The following RMND1 variants were observed in gnomAD, a reference collection of about 807,000 sequenced individuals.
The protein encoded by RMND1 is required for meiotic nuclear division 1 homolog, also known as required for meiotic nuclear division protein 1 homolog.
A neutral mutation model predicts 54.0 loss-of-function variants in RMND1; 41 were observed. The ratio of observed to expected loss-of-function variants is 0.76; its 90% CI spans 0.59 to 0.98. The LOEUF (loss-of-function observed/expected upper bound fraction) is 0.98, where lower values mean the gene tolerates loss of function less well. Ranked by LOEUF, RMND1 falls within the 50% of genes least tolerant of loss-of-function variation. RMND1 has a pLI of 0.00. For missense variants in RMND1, 457 were observed against 532.0 expected (o/e 0.86, Z 1.39); for synonymous variants, 183 against 181.7 (o/e 1.01, Z -0.06).
intron 10 of RMND1, among the ~76,000 whole-genome samples, chr6:151,412,636 A>G (rs543655616): frequency 2.6e-5 from 4 of 152,298 alleles, no homozygotes; most frequent in African/African-American, 9.6e-5. Flanking sequence ...TAAAGAAAAG[A>G]GGCCTAATTG....
At chr6:151,435,376 C>T (rs1328927843) in intron 3 of RMND1, among the ~76,000 whole-genome samples, 2 of 151,976 alleles carry the variant, frequency 1.3e-5, no homozygotes, top group East Asian at 3.9e-4. Context: ...GAACTCCTGA[C>T]CTCAAATGAT....
intron 10 of RMND1, among the ~76,000 whole-genome samples, chr6:151,414,679 C>G (rs868444330): frequency 6.6e-6 from 1 of 151,808 alleles, no homozygotes; most frequent in East Asian, 1.9e-4. Flanking sequence ...GGCAGCAGAA[C>G]GAATGTAACA....
At chr6:151,449,242 G>A (rs1209685771) in intron 1 of RMND1, among the ~76,000 whole-genome samples, 8 of 151,792 alleles carry the variant, frequency 5.3e-5, no homozygotes, top group Non-Finnish European at 7.4e-5. Context: ...GGCGGCGGGT[G>A]CCTGTAATCC....
intron 4 of RMND1, among the ~76,000 whole-genome samples, chr6:151,432,307 GAAC>G (rs1780471349): frequency 6.6e-6 from 1 of 152,110 alleles, no homozygotes; most frequent in East Asian, 1.9e-4. Context: ...TCCTCACTCG[GAAC>G]AACAGGGATG....
chr6:151,412,453 G>A (rs756971101), intron 10 of RMND1, among the ~76,000 whole-genome samples: 3 of 152,032 alleles, frequency 2.0e-5, no homozygotes, highest in Admixed American at 6.6e-5. Context: ...CACTGTGCCT[G>A]GCCCTAACTT....
At chr6:151,451,073 G>A (rs1045116952) in intron 1 of RMND1, among the ~76,000 whole-genome samples, 2 of 151,994 alleles carry the variant, frequency 1.3e-5, no homozygotes, top group African/African-American at 2.4e-5. Flanking sequence ...GCGGAAGGCC[G>A]CAGGGTCCTC....
At chr6:151,425,451 T>TAC (rs375187928) in intron 6 of RMND1, among the ~76,000 whole-genome samples, 2,187 of 150,274 alleles carry the variant, frequency 0.015, 95 homozygotes, top group Admixed American at 0.099. Context: ...TGGATAAGCG[T>TAC]ACACACACAC....
At chr6:151,444,733 T>A (rs1780900850) in intron 2 of RMND1, 1 of 152,382 alleles carries the variant, frequency 6.6e-6, no homozygotes, top group Non-Finnish European at 1.5e-5. Context: ...ACCCTTAAGT[T>A]GTTACTGAAG....
At chr6:151,426,054 T>TGCCTCCGCCTCCGCCTCC (rs200326875) in intron 6 of RMND1, among the ~76,000 whole-genome samples, 1 of 151,518 alleles carries the variant, frequency 6.6e-6, no homozygotes, top group Non-Finnish European at 1.5e-5. Flanking sequence ...AGCAATTCTC[T>TGCCTCCGCCTCCGCCTCC]GCCTCCGCCT....
chr6:151,448,777 C>T (rs894021498), intron 1 of RMND1, among the ~76,000 whole-genome samples: 2 of 152,206 alleles, frequency 1.3e-5, no homozygotes, highest in Non-Finnish European at 2.9e-5. Flanking sequence ...TGTGGCTTCA[C>T]GGTTCACTTA....
At chr6:151,434,127 G>A (rs575126482) in intron 3 of RMND1, among the ~76,000 whole-genome samples, 97 of 152,266 alleles carry the variant, frequency 6.4e-4, no homozygotes, top group Non-Finnish European at 1.2e-3. Context: ...TTACAAGCAT[G>A]AGCCACGGGG....
chr6:151,449,122 A>G (rs1391651216), intron 1 of RMND1, among the ~76,000 whole-genome samples: 1 of 147,802 alleles, frequency 6.8e-6, no homozygotes, highest in East Asian at 2.1e-4. Context: ...TAACCCCAGC[A>G]TTTTGGGAGG....
intron 1 of RMND1, among the ~76,000 whole-genome samples, chr6:151,447,328 C>T (rs200610173): frequency 8.9e-6 from 1 of 112,196 alleles, no homozygotes; most frequent in South Asian, 3.3e-4. Context: ...GTTCATGAAA[C>T]AAATTTTTGG....
At chr6:151,416,308 A>G (rs1169071969) in intron 10 of RMND1, among the ~76,000 whole-genome samples, 1 of 151,918 alleles carries the variant, frequency 6.6e-6, no homozygotes, top group African/African-American at 2.4e-5. Flanking sequence ...ATGTGGTTGC[A>G]TGGATCTATA....
intron 4 of RMND1, among the ~76,000 whole-genome samples, chr6:151,431,931 TTC>T (rs1780458654): frequency 6.6e-6 from 1 of 152,092 alleles, no homozygotes; most frequent in Non-Finnish European, 1.5e-5. Context: ...TTATATTTCT[TTC>T]TTTCTTTTTT....
intron 11 of RMND1, 92 bp downstream of exon 11, chr6:151,405,628 A>G: frequency 1.4e-6 from 1 of 696,716 alleles, no homozygotes; most frequent in Non-Finnish European, 2.5e-6. Context: ...TTTTCTGCTA[A>G]TAATTTTCTA....
intron 1 of RMND1, among the ~76,000 whole-genome samples, chr6:151,446,479 G>A (rs532650986): frequency 1.4e-3 from 210 of 152,038 alleles, no homozygotes; most frequent in Admixed American, 3.1e-3. Flanking sequence ...GATTCTAGAA[G>A]GCGAAGGTGC....
intron 5 of RMND1, among the ~76,000 whole-genome samples, chr6:151,428,645 C>T (rs2114947235): frequency 6.6e-6 from 1 of 152,260 alleles, no homozygotes; most frequent in East Asian, 1.9e-4. Context: ...GATCCCCCTG[C>T]CTTAGCCTCC....
chr6:151,441,654 G>A (rs533599586), intron 2 of RMND1, among the ~76,000 whole-genome samples: 32 of 152,228 alleles, frequency 2.1e-4, no homozygotes, highest in African/African-American at 7.5e-4. Context: ...CCAGATGATG[G>A]GGTCTGGAGA....
Sources: allele counts gnomAD v4.1 joint callset (sites outside exome capture counted in the v4.1 genomes callset), GRCh38; gene constraint gnomAD v4.1.1; transcripts MANE v1.5; gene names NCBI Gene and HGNC (gene_info 2026-07-23, HGNC 2026-07-21).